ZC2HC1B: variants seen among roughly 807,000 people sequenced by gnomAD.
ZC2HC1B encodes zinc finger C2HC-type containing 1B, also known as zinc finger C2HC domain-containing protein 1B.
In ZC2HC1B, 36 loss-of-function variants were observed where a neutral mutation model predicts 31.0. The ratio of observed to expected loss-of-function variants is 1.16; its 90% confidence interval spans 0.89 to 1.54. The LOEUF (loss-of-function observed/expected upper bound fraction) is 1.54, where lower values mean the gene tolerates loss of function less well. Among genes scored for constraint, ZC2HC1B ranks in the 40% most tolerant of loss-of-function variants. ZC2HC1B has a pLI of 0.00. For synonymous variants in ZC2HC1B, 73 were observed against 88.0 expected, an observed-to-expected ratio of 0.83 and a Z score of 0.95; for missense variants, 260 against 268.6, an observed-to-expected ratio of 0.97 and a Z score of 0.22.
rs1777828088 is a variant in ZC2HC1B, at chr6:143,908,973, G to GT, written c.598+5826dup. On this transcript the variant is annotated intron_variant, in intron 6 of 7. Coordinates refer to ENST00000237275, the MANE Select transcript of ZC2HC1B (RefSeq NM_001013623.3). The surrounding 1 kb of genome is among the most constrained non-coding windows in gnomAD (Gnocchi z 4.4). ...TCCTTTAATACCTAGTTTATTGAGC[G>GT]TTTTTAACATAAAGGGATGTTGAAA... Among the ~76,000 whole-genome samples the GT allele has an allele frequency of 2.6e-5, 4 of 152,194 alleles. No homozygotes were observed. The highest frequency in any genetic ancestry group is 2.6e-4 in the Admixed American group (4 of 15,286).
rs1003552000 is a variant in ZC2HC1B at position 143,934,621 on chromosome 6, T to G, written c.599-3028T>G. Reference sequence around the variant, plus strand: ...CATAGGAAAGACTTCTTCCTACATATGTATCTATAGTGATAGTTGGGTAGG... The same window carrying G: ...CATAGGAAAGACTTCTTCCTACATAGGTATCTATAGTGATAGTTGGGTAGG... On this transcript the variant is annotated intron_variant, in intron 6 of 7. Transcript: ENST00000237275. The surrounding 1 kb of genome is among the most constrained non-coding windows in gnomAD (Gnocchi z 4.6). 6.6e-6 allele frequency among the ~76,000 whole-genome samples: 1 copy of G among 152,270 alleles called. No homozygotes were observed. The highest frequency in any genetic ancestry group is 1.5e-5 in the Non-Finnish European group (1 of 68,040).
At chr6:143,925,536 C>CTTTTTT (rs36007959) in intron 6 of ZC2HC1B, among the ~76,000 whole-genome samples, 4 of 104,960 alleles carry the variant, frequency 3.8e-5, no homozygotes, top group African/African-American at 7.6e-5. Context: ...CTTTTCTTTT[C>CTTTTTT]TTTTTTTTTT....
rs560103052 is a variant in ZC2HC1B at position 143,871,936 on chromosome 6, C to T, written c.28+7369C>T. Among the ~76,000 whole-genome samples the T allele has an allele frequency of 6.6e-6, 1 of 152,246 alleles. No homozygotes were observed. The highest frequency in any genetic ancestry group is 6.5e-5 in the Admixed American group (1 of 15,296). On this transcript the variant is annotated intron_variant, in intron 1 of 7. Transcript: ENST00000237275. The surrounding 1 kb of genome is among the most constrained non-coding windows in gnomAD (Gnocchi z 4.1). ...ACTGTAATTCGGACCTGAGCTGAAACTCCATTATTACCTGACCTCCATAAG... is the reference window on the plus strand; with the variant it reads ...ACTGTAATTCGGACCTGAGCTGAAATTCCATTATTACCTGACCTCCATAAG...
rs1400302208 is a variant in ZC2HC1B, at chr6:143,899,878, A to T, written c.489+1187A>T. Among the ~76,000 whole-genome samples, 1 of 152,176 alleles carries T rather than the reference A, an allele frequency of 6.6e-6. No individual in the cohort carries two copies. ...ATTTGTCATTGAAAGATGGAGGGGG[A>T]CTTAGAGCTGGTACAGTTGGCATAT... On this transcript the variant is annotated intron_variant, in intron 5 of 7. Transcript: ENST00000237275. This position sits in a 1 kb window ranked among gnomAD's most constrained non-coding sequence, Gnocchi z 5.0.
chr6:143,865,282 C>A lies in ZC2HC1B; in HGVS notation c.28+715C>A, dbSNP rs1250482737. On this transcript the variant is annotated intron_variant, in intron 1 of 7. Transcript: ENST00000237275. The surrounding 1 kb of genome is among the most constrained non-coding windows in gnomAD (Gnocchi z 4.4). ...ATCAGAGGGTTTTTGCCTTCAGGAG[C>A]CACATGGTCTGAGGAGGCAGGATAG... 6.6e-6 allele frequency among the ~76,000 whole-genome samples: 1 copy of A among 152,170 alleles called. No individual in the cohort carries two copies. Among genetic ancestry groups the A allele is most frequent in the Non-Finnish European group, 1.5e-5 (1 of 68,022 alleles).
intron 6 of ZC2HC1B, among the ~76,000 whole-genome samples, chr6:143,912,677 A>G (rs1420970456): frequency 1.3e-5 from 2 of 152,216 alleles, no homozygotes; most frequent in Non-Finnish European, 2.9e-5. Flanking sequence ...ATTTGCCTGT[A>G]GGAGGTGGCT....
chr6:143,864,609 A>G, intron 1 of ZC2HC1B, 42 bp downstream of exon 1: 1 of 1,547,568 alleles, frequency 6.5e-7, no homozygotes, highest in Non-Finnish European at 8.7e-7. Context: ...AAATGCCTTC[A>G]TCTGTAATCA....
intron 5 of ZC2HC1B, 48 bp downstream of exon 5, chr6:143,898,739 G>T (rs1254704365): frequency 1.3e-6 from 2 of 1,547,104 alleles, no homozygotes; most frequent in Non-Finnish European, 1.7e-6. Context: ...TGAATGCCTA[G>T]GGGTGAGCCG....
intron 1 of ZC2HC1B, among the ~76,000 whole-genome samples, chr6:143,876,795 A>C (rs1219674476): frequency 6.6e-6 from 1 of 150,424 alleles, no homozygotes; most frequent in Non-Finnish European, 1.5e-5. Flanking sequence ...GCACAGGAGA[A>C]AGGTGTAGGC....
rs556664245 is a variant in ZC2HC1B at position 143,922,283 on chromosome 6, A to G, written c.599-15366A>G. ...TAATGATCAAATCAGGGTATTTAAGATATCTATGACCTCAAACATTTATTA... is the reference window on the plus strand; with the variant it reads ...TAATGATCAAATCAGGGTATTTAAGGTATCTATGACCTCAAACATTTATTA... On this transcript the variant is annotated intron_variant, in intron 6 of 7. Coordinates refer to ENST00000237275, the MANE Select transcript of ZC2HC1B (RefSeq NM_001013623.3). The surrounding 1 kb of genome is among the most constrained non-coding windows in gnomAD (Gnocchi z 5.0). Among the ~76,000 whole-genome samples, 1 of 152,336 alleles carries G rather than the reference A, an allele frequency of 6.6e-6. No individual in the cohort carries two copies. The highest frequency in any genetic ancestry group is 2.4e-5 in the African/African-American group (1 of 41,588).
chr6:143,881,071 C>T (rs1352292021), intron 1 of ZC2HC1B, among the ~76,000 whole-genome samples: 1 of 152,204 alleles, frequency 6.6e-6, no homozygotes, highest in East Asian at 1.9e-4. Flanking sequence ...CATAGAATCA[C>T]AACCACCTTC....
chr6:143,898,808 C>T, intron 5 of ZC2HC1B, 117 bp downstream of exon 5: 2 of 1,318,318 alleles, frequency 1.5e-6, no homozygotes, highest in South Asian at 1.5e-5. Context: ...GTGAAGAGAG[C>T]TGATCATGAT....
chr6:143,900,326 G>A (rs1410058909), intron 5 of ZC2HC1B, among the ~76,000 whole-genome samples: 2 of 150,518 alleles, frequency 1.3e-5, no homozygotes, highest in East Asian at 4.0e-4. Context: ...GGAGGCAGAG[G>A]TTGTGGTGAG....
rs1777822521 is a variant in ZC2HC1B at position 143,908,471 on chromosome 6, C to G, written c.598+5319C>G. 6.6e-6 allele frequency among the ~76,000 whole-genome samples: 1 copy of G among 152,028 alleles called. No individual in the cohort carries two copies. ...TTTCTTTGAGCAGTGGTTTATAGTT[C>G]TCTTTGAAGAGATTCTTCACTTTCC... is the stretch of plus-strand genomic sequence containing the variant. On this transcript the variant is annotated intron_variant, in intron 6 of 7. Transcript: ENST00000237275. The surrounding 1 kb of genome is among the most constrained non-coding windows in gnomAD (Gnocchi z 4.4).
At position 143,886,534 on chromosome 6, in the gene ZC2HC1B, T is replaced by A; in HGVS notation, c.211-149T>A. The A allele has an allele frequency of 2.6e-6, 2 of 763,608 alleles. No individual in the cohort carries two copies. The highest frequency in any genetic ancestry group is 3.7e-6 in the Non-Finnish European group (2 of 537,584). The allele number at this position is 763,608 out of a possible 1,614,324, so 47.3% of individuals were successfully genotyped here. ...ATTATATTACTGTACTTTCCAAACC[T>A]CTTTAAGGAGTACTTTTGAAAAACA... On this transcript the variant is annotated intron_variant, in intron 3 of 7. Coordinates refer to ENST00000237275, the MANE Select transcript of ZC2HC1B (RefSeq NM_001013623.3). The surrounding 1 kb of genome is among the most constrained non-coding windows in gnomAD (Gnocchi z 4.2).
chr6:143,881,537 C>T (rs144818238), intron 1 of ZC2HC1B, among the ~76,000 whole-genome samples: 41 of 119,790 alleles, frequency 3.4e-4, no homozygotes, highest in African/African-American at 1.3e-3. Flanking sequence ...GGTGAAAGAC[C>T]GAGACCCTGT....
At chr6:143,880,179 TTC>T (rs918426925) in intron 1 of ZC2HC1B, among the ~76,000 whole-genome samples, 5 of 152,162 alleles carry the variant, frequency 3.3e-5, no homozygotes, top group Non-Finnish European at 5.9e-5. Context: ...CCAGATTACT[TTC>T]TGTTACTCAT....
chr6:143,880,002 T>G (rs541847426), intron 1 of ZC2HC1B, among the ~76,000 whole-genome samples: 109 of 152,080 alleles, frequency 7.2e-4, no homozygotes, highest in African/African-American at 2.6e-3. Flanking sequence ...TTTTTAAAAT[T>G]TTTTGTAGAG....
chr6:143,937,814 A>C, intron 7 of ZC2HC1B, 81 bp downstream of exon 7: 3 of 1,021,414 alleles, frequency 2.9e-6, no homozygotes, highest in Non-Finnish European at 4.2e-6. Flanking sequence ...TAGTAAGCAA[A>C]CTGAAGAGAC....
Sources: gnomAD v4.1 joint callset for allele counts (sites outside exome capture counted in the v4.1 genomes callset) on GRCh38, gnomAD v4.1.1 for gene constraint, Gnocchi (gnomAD v3.1) non-coding constraint, MANE v1.5 for transcripts, NCBI Gene and HGNC (gene_info 2026-07-23, HGNC 2026-07-21) for gene names.